EPB42: variants seen among roughly 807,000 people sequenced by gnomAD.
EPB42 encodes protein 4.2.
In EPB42, 49 loss-of-function variants were observed where a neutral mutation model predicts 76.9. The observed-to-expected ratio is 0.64, with a 90% confidence interval of 0.51 to 0.81. The LOEUF (loss-of-function observed/expected upper bound fraction) is 0.81, where lower values mean the gene tolerates loss of function less well. Ranked by LOEUF, EPB42 falls within the 30% of genes least tolerant of loss-of-function variation. EPB42 has a pLI of 0.00. For missense variants in EPB42, 731 were observed against 867.6 expected (o/e 0.84, Z 1.98); for synonymous variants, 310 against 338.4 (o/e 0.92, Z 0.92).
chr15:43,216,870 T>G (rs1355036636), intron 1 of EPB42, among the ~76,000 whole-genome samples: 1 of 152,208 alleles, frequency 6.6e-6, no homozygotes, highest in Non-Finnish European at 1.5e-5. Context: ...CAGATAATTT[T>G]TAGAGCTAGT....
At chr15:43,200,325 G>A (rs1370153482) in intron 12 of EPB42, among the ~76,000 whole-genome samples, 1 of 152,208 alleles carries the variant, frequency 6.6e-6, no homozygotes, top group African/African-American at 2.4e-5. Flanking sequence ...CCACACACCT[G>A]TTAGGGACCT....
Position 43,211,438 on chromosome 15 carries a change from G to T in EPB42, c.527C>A (p.Ala176Glu), listed in dbSNP as rs1003927828. The change falls in exon 4 of 13, where the codon GCA (alanine) becomes GAA (glutamate). Residue 176 changes from alanine (A) to glutamate (E), a missense_variant. Coordinates refer to ENST00000441366, the MANE Select transcript of EPB42 (RefSeq NM_001114134.2). ...IYLGTADCIQAESWDFGQFEG... is the reference protein window; with the variant it reads ...IYLGTADCIQEESWDFGQFEG... ...TACCTGGCCAAAGTCCCAGGACTCT[G>T]CCTGGATGCAGTCAGCTGTACCCAG... 2.5e-6 allele frequency: 4 copies of T among 1,612,688 alleles called. No homozygotes were observed. In the Admixed American group the frequency reaches 5.0e-5, roughly 20 times the overall value.
At chr15:43,198,365 A>G (rs183422457) in intron 12 of EPB42, among the ~76,000 whole-genome samples, 1 of 152,330 alleles carries the variant, frequency 6.6e-6, no homozygotes, top group African/African-American at 2.4e-5. Context: ...GGAACTTGTT[A>G]GGAACTGGAG....
At chr15:43,214,875 A>G (rs1173751668) in intron 3 of EPB42, among the ~76,000 whole-genome samples, 1 of 152,206 alleles carries the variant, frequency 6.6e-6, no homozygotes, top group African/African-American at 2.4e-5. Context: ...TTCAGTGGGA[A>G]GGCTCAACCT....
chr15:43,224,394 A>T (rs2142339419), upstream of EPB42, among the ~76,000 whole-genome samples: 1 of 152,308 alleles, frequency 6.6e-6, no homozygotes, highest in South Asian at 2.1e-4. Context: ...GAACAAAGGG[A>T]AATTAAGTGG....
chr15:43,221,211 C>A, upstream of EPB42: 1 of 326,816 alleles, frequency 3.1e-6, no homozygotes, highest in Non-Finnish European at 5.9e-6. Context: ...TCAAGAGACT[C>A]TCAGAGATGT....
chr15:43,197,629 G>A (rs2042063222), intron 12 of EPB42, among the ~76,000 whole-genome samples, 165 bp from the exon 13 acceptor site: 1 of 152,170 alleles, frequency 6.6e-6, no homozygotes, highest in South Asian at 2.1e-4. Context: ...TAGAAGACAG[G>A]AGCCACCCAA....
intron 1 of EPB42, 158 bp downstream of exon 1, chr15:43,220,658 C>A (rs922633158): frequency 7.2e-6 from 8 of 1,111,294 alleles, no homozygotes; most frequent in African/African-American, 1.6e-5. Context: ...CACCCCCCCC[C>A]CACAGCCACC....
At position 43,206,391 on chromosome 15, in the gene EPB42, G is replaced by A. The variant is rs367822703; in HGVS notation, c.1557C>T (p.Asn519=). ...TCCAGAGCTTGGCAGCAAGGACACC[G>A]TTGTAGTGTACAGCCTGGACCCCAA... The part of the protein sequence containing the change: ...LAIGVQAVHY[N]GVLAAKLWRK... The change falls in exon 10 of 13, where the codon AAC becomes AAT. Residue 519 remains asparagine, a synonymous_variant. Transcript: ENST00000441366. This position sits in a 1 kb window ranked among gnomAD's most constrained non-coding sequence, Gnocchi z 4.7. 2.3e-5 allele frequency: 37 copies of A among 1,614,006 alleles called. No homozygotes were observed. Among genetic ancestry groups the A allele is most frequent in the African/African-American group, 9.3e-5 (7 of 74,908 alleles).
chr15:43,203,156 G>A lies in EPB42; in HGVS notation c.1738C>T (p.Gln580Ter), dbSNP rs765521438. 1 of 1,614,126 alleles carries A rather than the reference G, an allele frequency of 6.2e-7. No individual in the cohort carries two copies. The highest frequency in any genetic ancestry group is 8.5e-7 in the Non-Finnish European group (1 of 1,180,026). ...GGTCTACAAATGGCAATGTCTTCCT[G>A]AGCAAAGCAGCTAAGGTTGGATTCA... Reference protein sequence around the residue: ...HSESNLSCFAQEDIAICRPHL... With the variant: ...HSESNLSCFA Residue 580 changes from glutamine (Q) to a stop codon, truncating the protein, a stop_gained, in exon 11 of 13, where the codon CAG (glutamine) becomes TAG (stop). Coordinates refer to ENST00000441366, the MANE Select transcript of EPB42 (RefSeq NM_001114134.2). LOFTEE classifies it high-confidence loss of function.
At chr15:43,223,258 C>T (rs533531903), upstream of EPB42, among the ~76,000 whole-genome samples, 290 of 152,160 alleles carry the variant, frequency 1.9e-3, 1 homozygote, top group Non-Finnish European at 2.0e-3. Flanking sequence ...TTGGAGGTTG[C>T]GGTGAGCTGA....
intron 1 of EPB42, chr15:43,220,602 G>T: frequency 2.2e-6 from 2 of 924,872 alleles, no homozygotes; most frequent in Non-Finnish European, 3.5e-6. Context: ...ATCACACCAC[G>T]CTCCACAGCC....
chr15:43,206,412 C>T lies in EPB42; in HGVS notation c.1536G>A (p.Gly512=). 1 of 1,614,150 alleles carries T rather than the reference C, an allele frequency of 6.2e-7. No individual in the cohort carries two copies. The highest frequency in any genetic ancestry group is 8.5e-7 in the Non-Finnish European group (1 of 1,180,034). Residue 512 remains glycine, a synonymous_variant, in exon 10 of 13, where the codon GGG becomes GGA. Coordinates refer to ENST00000441366, the MANE Select transcript of EPB42 (RefSeq NM_001114134.2). This position sits in a 1 kb window ranked among gnomAD's most constrained non-coding sequence, Gnocchi z 4.7. ...CACCGTTGTAGTGTACAGCCTGGAC[C>T]CCAATTGCCAGCTGCACTGCCTTCT... is the stretch of plus-strand genomic sequence containing the variant. ...EQEKAVQLAI[G]VQAVHYNGVL...
Position 43,215,315 on chromosome 15 carries a change from G to A in EPB42, c.210C>T (p.Ser70=), listed in dbSNP as rs180830933. ...ATGTGGCTTGGGTCCTGTTGATCTTGGAAGGCTGCTCTCCTGTAGTCACAC... is the reference window on the plus strand; with the variant it reads ...ATGTGGCTTGGGTCCTGTTGATCTTAGAAGGCTGCTCTCCTGTAGTCACAC... ...ALTAQTGEQP[S]KINRTQATFP... is the part of the protein sequence containing the mutation. The change falls in exon 3 of 13, where the codon TCC becomes TCT. Residue 70 remains serine (S), a synonymous_variant. Transcript: ENST00000441366. 6.3e-5 allele frequency: 102 copies of A among 1,614,228 alleles called. No homozygotes were observed. The highest frequency in any genetic ancestry group is 8.3e-5 in the Non-Finnish European group (98 of 1,180,044).
chr15:43,200,428 A>G (rs1046606688), intron 12 of EPB42, among the ~76,000 whole-genome samples: 2 of 152,206 alleles, frequency 1.3e-5, no homozygotes, highest in East Asian at 1.9e-4. Flanking sequence ...TGCAACGTCT[A>G]AAACCAACAA....
intron 1 of EPB42, among the ~76,000 whole-genome samples, chr15:43,218,839 T>C (rs1343542244): frequency 1.3e-5 from 2 of 152,200 alleles, no homozygotes; most frequent in Non-Finnish European, 2.9e-5. Context: ...GACTCCTGCC[T>C]CCCCTTCTCT....
At chr15:43,216,043 C>T (rs2142317755) in intron 2 of EPB42, among the ~76,000 whole-genome samples, 1 of 152,354 alleles carries the variant, frequency 6.6e-6, no homozygotes, top group South Asian at 2.1e-4. Context: ...TGAAAAGAAG[C>T]TCTTGGTGAT....
At chr15:43,222,075 T>C (rs1299162014), upstream of EPB42, among the ~76,000 whole-genome samples, 1 of 150,056 alleles carries the variant, frequency 6.7e-6, no homozygotes. Context: ...CCTGGGAGGC[T>C]GAGGTTGCAG....
intron 3 of EPB42, among the ~76,000 whole-genome samples, chr15:43,213,660 C>T (rs1323023648): frequency 6.6e-6 from 1 of 152,212 alleles, no homozygotes; most frequent in Admixed American, 6.5e-5. Context: ...GCCTCAGCTT[C>T]GGAGGGAAGC....
Sources: allele counts gnomAD v4.1 joint callset (sites outside exome capture counted in the v4.1 genomes callset), GRCh38; gene constraint gnomAD v4.1.1; non-coding constraint Gnocchi (gnomAD v3.1); transcripts MANE v1.5; gene names NCBI Gene and HGNC (gene_info 2026-07-23, HGNC 2026-07-21).